The following KIF21B variants were observed in gnomAD, a reference collection of about 807,000 sequenced individuals.
KIF21B encodes the protein kinesin-like protein KIF21B.
Under a neutral mutation model 192.9 loss-of-function variants are expected in KIF21B, and 85 were observed. The ratio of observed to expected loss-of-function variants is 0.44; its 90% CI spans 0.37 to 0.53. The LOEUF (loss-of-function observed/expected upper bound fraction) is 0.53, where lower values mean the gene tolerates loss of function less well. KIF21B is among the 20% of genes least tolerant of loss of function. The probability of loss-of-function intolerance (pLI) is 0.00; values close to 1 mark genes in which losing one functional copy is unlikely to be tolerated. For synonymous variants in KIF21B, 832 were observed against 884.6 expected, an observed-to-expected ratio of 0.94 and a Z score of 1.05; for missense variants, 1,716 against 2,194.8, an observed-to-expected ratio of 0.78 and a Z score of 4.36.
Position 200,999,980 on chromosome 1 carries a change from A to G in KIF21B, c.1686-16T>C. ...CTTCTCGGGGCTGCTCAGGGAGGACAGGGAAGCTGGATTAGGAAGGCTGCC... is the reference window on the plus strand; with the variant it reads ...CTTCTCGGGGCTGCTCAGGGAGGACGGGGAAGCTGGATTAGGAAGGCTGCC... On this transcript the variant is annotated splice_polypyrimidine_tract_variant and intron_variant, in intron 11 of 34. Transcript: ENST00000461742. This position sits in a 1 kb window ranked among gnomAD's most constrained non-coding sequence, Gnocchi z 4.7. 6.2e-7 allele frequency: 1 copy of G among 1,612,924 alleles called. No homozygotes were observed. The highest frequency in any genetic ancestry group is 8.5e-7 in the Non-Finnish European group (1 of 1,179,384).
rs768047697 is a variant in KIF21B, at chr1:200,976,869, A to C, written c.4350T>G (p.Thr1450=). ...GGCACATCACAGGGCCGATGTGGCC[A>C]GTCAGCTTGCCGACAGGCTGGAACC... ...LSRFQPVGKL[T]GHIGPVMCLT... Residue 1450 remains threonine, a synonymous_variant, in exon 32 of 35, where the codon ACT becomes ACG. Coordinates refer to ENST00000461742, the MANE Select transcript of KIF21B (RefSeq NM_001252102.2). 1 of 1,611,136 alleles carries C rather than the reference A, an allele frequency of 6.2e-7. No individual in the cohort carries two copies. Among genetic ancestry groups the C allele is most frequent in the South Asian group, 1.1e-5 (1 of 90,938 alleles).
Position 201,009,471 on chromosome 1 carries a change from G to A in KIF21B, c.59C>T (p.Ser20Leu), listed in dbSNP as rs1368561142. 6.8e-6 allele frequency: 11 copies of A among 1,614,082 alleles called. No individual in the cohort carries two copies. Among genetic ancestry groups the A allele is most frequent in the Admixed American group, 1.7e-5 (1 of 60,028 alleles). The change falls in exon 2 of 35, where the codon TCG becomes TTG. Residue 20 changes from serine (S) to leucine (L), a missense_variant. Around this residue, in one of 3 missense-constraint regions of KIF21B, gnomAD observed 1,087 missense variants for 1,316.6 expected, o/e 0.83. Transcript: ENST00000461742. The part of the protein sequence containing the change: ...KVAVRIRPQL[S>L]KEKIEGCHIC... ...GTGACAGCCCTCAATCTTCTCCTTCGACAGCTGGGGCCGGATCCTGCCCAT... is the reference window on the plus strand; with the variant it reads ...GTGACAGCCCTCAATCTTCTCCTTCAACAGCTGGGGCCGGATCCTGCCCAT...
At position 200,975,471 on chromosome 1, in the gene KIF21B, T is replaced by C. The variant is rs779529909; in HGVS notation, c.4614+28A>G. 8.2e-6 allele frequency: 13 copies of C among 1,593,144 alleles called. No individual in the cohort carries two copies. Among genetic ancestry groups the C allele is most frequent in the Admixed American group, 1.7e-5 (1 of 59,296 alleles). Reference sequence around the variant, plus strand: ...CTATGGAAACCACCCTACCCGAGTCTACCCTCTCCCTTTCCTCCTGACCCC... The same window carrying C: ...CTATGGAAACCACCCTACCCGAGTCCACCCTCTCCCTTTCCTCCTGACCCC... On this transcript the variant is annotated intron_variant, in intron 33 of 34. Coordinates refer to ENST00000461742, the MANE Select transcript of KIF21B (RefSeq NM_001252102.2). This position sits in a 1 kb window ranked among gnomAD's most constrained non-coding sequence, Gnocchi z 4.3.
chr1:200,984,130 C>T (rs1282676144), intron 27 of KIF21B, among the ~76,000 whole-genome samples: 1 of 152,254 alleles, frequency 6.6e-6, no homozygotes, highest in East Asian at 1.9e-4. Flanking sequence ...AGGGTCCTCC[C>T]CTTTCCTGAG....
intron 15 of KIF21B, 70 bp from the exon 16 acceptor site, chr1:200,992,459 G>C: frequency 6.6e-7 from 1 of 1,510,284 alleles, no homozygotes; most frequent in African/African-American, 1.4e-5. Context: ...TCCAGGGAGG[G>C]GCCAGCTCTG....
At chr1:201,009,540 C>G in intron 1 of KIF21B, 52 bp from the exon 2 acceptor site, 3 of 1,518,422 alleles carry the variant, frequency 2.0e-6, no homozygotes, top group Non-Finnish European at 2.7e-6. Flanking sequence ...AGGGGGCTGC[C>G]ACAGGCCCCT....
At position 201,000,015 on chromosome 1, in the gene KIF21B, A is replaced by T; in HGVS notation, c.1686-51T>A. The T allele has an allele frequency of 6.6e-7, 1 of 1,521,750 alleles. No individual in the cohort carries two copies. The highest frequency in any genetic ancestry group is 9.1e-7 in the Non-Finnish European group (1 of 1,098,334). 94.3% of individuals were successfully genotyped at this position (1,521,750 alleles called of 1,614,324 possible). A position where few individuals can be genotyped will look rare whatever the true frequency, so the allele number is the denominator to read the frequency against. On this transcript the variant is annotated intron_variant, in intron 11 of 34. Coordinates refer to ENST00000461742, the MANE Select transcript of KIF21B (RefSeq NM_001252102.2). This position sits in a 1 kb window ranked among gnomAD's most constrained non-coding sequence, Gnocchi z 6.0. ...GATTAGGAAGGCTGCCCCTGCCCTG[A>T]GCACATGGGCAGGACGGCGGCAGCG... is the stretch of plus-strand genomic sequence containing the variant.
intron 22 of KIF21B, 94 bp downstream of exon 22, chr1:200,988,672 G>A (rs1656466435): frequency 6.6e-7 from 1 of 1,513,984 alleles, no homozygotes; most frequent in Admixed American, 1.9e-5. Flanking sequence ...GGGGTTAGGG[G>A]TGGTTCTGGG....
In KIF21B at chr1:201,008,878, A is replaced by C; in HGVS notation, c.338T>G (p.Ile113Ser). 1 of 1,611,624 alleles carries C rather than the reference A, an allele frequency of 6.2e-7. No individual in the cohort carries two copies. Among genetic ancestry groups the C allele is most frequent in the Non-Finnish European group, 8.5e-7 (1 of 1,179,958 alleles). Residue 113 changes from isoleucine to serine, a missense_variant, in exon 3 of 35, where the codon ATC becomes AGC. Physicochemically the swap from Ile to Ser is moderately radical, Grantham distance 142 (BLOSUM62 -2). Coordinates refer to ENST00000461742, the MANE Select transcript of KIF21B (RefSeq NM_001252102.2). ...MATSEEEQGI[I>S]PRAIAHLFGG... ...AAAGAGGTGTGCGATGGCCCTCGGG[A>C]TGATGCCCTGCTCCTCCTCCGACGT...
At position 200,970,900 on chromosome 1, in the gene KIF21B, T is replaced by C. The variant is rs1269030154; in HGVS notation, c.*2621A>G. ...GGGCACAGAAGGGCAAGAAGTAAGA[T>C]GACGAGTCCCAGAATTAGGACAAGC... is the stretch of plus-strand genomic sequence containing the variant. On this transcript the variant is annotated 3_prime_UTR_variant, in exon 35 of 35. Transcript: ENST00000461742. 1.3e-5 allele frequency: 2 copies of C among 152,528 alleles called. No individual in the cohort carries two copies. Among genetic ancestry groups the C allele is most frequent in the Non-Finnish European group, 1.5e-5 (1 of 68,084 alleles). The allele number at this position is 152,528 out of a possible 1,614,324, so 9.4% of individuals were successfully genotyped here.
At chr1:200,994,397 C>T (rs1187177094) in intron 15 of KIF21B, among the ~76,000 whole-genome samples, 1 of 144,074 alleles carries the variant, frequency 6.9e-6, no homozygotes, top group Non-Finnish European at 1.6e-5. Context: ...GATTTGAATC[C>T]TCGGCTGCTG....
chr1:201,002,459 A>C, intron 8 of KIF21B, 109 bp from the exon 9 acceptor site: 1 of 942,796 alleles, frequency 1.1e-6, no homozygotes, highest in Non-Finnish European at 1.6e-6. Context: ...TCCCCTGGAT[A>C]TGGCGCATCA....
At chr1:200,976,980 C>T in intron 31 of KIF21B, 87 bp from the exon 32 acceptor site, 1 of 1,083,142 alleles carries the variant, frequency 9.2e-7, no homozygotes, top group African/African-American at 1.6e-5. Flanking sequence ...AACAAATAGG[C>T]CTGGTCAGGG....
In KIF21B at chr1:201,000,307, G is replaced by A. The variant is rs953405734; in HGVS notation, c.1685+83C>T. 1.7e-5 allele frequency: 23 copies of A among 1,337,006 alleles called. No individual in the cohort carries two copies. Among genetic ancestry groups the A allele is most frequent in the Admixed American group, 4.6e-5 (2 of 43,790 alleles). The allele number at this position is 1,337,006 out of a possible 1,614,324, so 82.8% of individuals were successfully genotyped here. A position where few individuals can be genotyped will look rare whatever the true frequency, so the allele number is the denominator to read the frequency against. ...TGGAGGTTCCCTCCTAAACACTGGTGGGCAGCAGTCCTCCTTGGGGACGGG... is the reference window on the plus strand; with the variant it reads ...TGGAGGTTCCCTCCTAAACACTGGTAGGCAGCAGTCCTCCTTGGGGACGGG... On this transcript the variant is annotated intron_variant, in intron 11 of 34. Transcript: ENST00000461742. The surrounding 1 kb of genome is among the most constrained non-coding windows in gnomAD (Gnocchi z 6.0).
Position 200,975,515 on chromosome 1 carries a change from T to G in KIF21B, c.4598A>C (p.Gln1533Pro). The part of the protein sequence containing the change: ...DNGIKKWDLD[Q>P]QELIQQIPNA... ...TGACCCCACCTGGATGAGCTCCTGC[T>G]GGTCTAGGTCCCACTTCTTGATGCC... The change falls in exon 33 of 35, where the codon CAG becomes CCG. Residue 1533 changes from glutamine (Q) to proline (P), a missense_variant. By Grantham distance (76) the Gln-to-Pro change is moderately conservative. Around this residue, in one of 3 missense-constraint regions of KIF21B, gnomAD observed 580 missense variants for 775.5 expected, o/e 0.75. Transcript: ENST00000461742. The surrounding 1 kb of genome is among the most constrained non-coding windows in gnomAD (Gnocchi z 4.3). 1.2e-6 allele frequency: 2 copies of G among 1,611,988 alleles called. No homozygotes were observed. Among genetic ancestry groups the G allele is most frequent in the African/African-American group, 2.7e-5 (2 of 74,976 alleles).
Position 201,000,409 on chromosome 1 carries a change from C to A in KIF21B, c.1666G>T (p.Val556Phe). ...ACTCACCTCTTCCTCCGCTGCCTGA[C>A]CTCCTTCTTCTTTAGCCGCTCCAGG... ...QDLERLKKKE[V>F]RQRRKSPEKE... The change falls in exon 11 of 35, where the codon GTC becomes TTC. Residue 556 changes from valine (V) to phenylalanine (F), a missense_variant. By Grantham distance (50) the Val-to-Phe change is conservative. This residue lies in a region of KIF21B where 1,087 missense variants were observed against 1,316.6 expected (regional missense o/e 0.83). Coordinates refer to ENST00000461742, the MANE Select transcript of KIF21B (RefSeq NM_001252102.2). This position sits in a 1 kb window ranked among gnomAD's most constrained non-coding sequence, Gnocchi z 6.0. 1.9e-6 allele frequency: 3 copies of A among 1,558,698 alleles called. No homozygotes were observed. Among genetic ancestry groups the A allele is most frequent in the Non-Finnish European group, 2.6e-6 (3 of 1,158,392 alleles).
intron 28 of KIF21B, among the ~76,000 whole-genome samples, chr1:200,981,926 G>C (rs1655959702): frequency 6.6e-6 from 1 of 152,130 alleles, no homozygotes; most frequent in African/African-American, 2.4e-5. Flanking sequence ...AGGGTCTTTT[G>C]GGATGAGACC....
chr1:200,978,978 C>T (rs1655739627), intron 30 of KIF21B, among the ~76,000 whole-genome samples: 1 of 152,254 alleles, frequency 6.6e-6, no homozygotes, highest in Non-Finnish European at 1.5e-5. Context: ...GCATGAGCCA[C>T]TGTGCCCAGC....
intron 28 of KIF21B, 41 bp downstream of exon 28, chr1:200,983,015 T>C: frequency 6.6e-7 from 1 of 1,520,280 alleles, no homozygotes. Context: ...GTGCCGAGAG[T>C]GAGAGTGGGG....
Sources: allele counts gnomAD v4.1 joint callset (sites outside exome capture counted in the v4.1 genomes callset), GRCh38; gene constraint gnomAD v4.1.1; regional missense constraint gnomAD v4.1.1; non-coding constraint Gnocchi (gnomAD v3.1); transcripts MANE v1.5; gene names NCBI Gene and HGNC (gene_info 2026-07-23, HGNC 2026-07-21).